Variants in COX7C observed in about 807,000 individuals in gnomAD.
COX7C encodes the protein cytochrome c oxidase subunit 7C.
Under a neutral mutation model 6.4 loss-of-function variants are expected in COX7C, and 1 was observed. The ratio of observed to expected loss-of-function variants is 0.16; its 90% CI spans 0.06 to 0.74. The LOEUF is 0.74. Ranked by LOEUF, COX7C falls within the 30% of genes least tolerant of loss-of-function variation. The pLI is 0.78. For missense variants in COX7C, 54 were observed against 73.7 expected, an observed-to-expected ratio of 0.73 and a Z score of 0.98; for synonymous variants, 24 against 28.9, an observed-to-expected ratio of 0.83 and a Z score of 0.54.
In COX7C at chr5:86,619,206, A is replaced by AATGTTTAAATCAAC. The variant is rs1750066747; in HGVS notation, c.76-138_76-137insTCAACATGTTTAAA. On this transcript the variant is annotated intron_variant, in intron 1 of 2. Transcript: ENST00000247655. ...TGAAGGTCATAGGATTTGAAAGATAAATGTTTAAAACGATGTTATGATTTA... is the reference window on the plus strand; with the variant it reads ...TGAAGGTCATAGGATTTGAAAGATAAATGTTTAAATCAACATGTTTAAAACGATGTTATGATTTA... 8.2e-6 allele frequency: 5 copies of AATGTTTAAATCAAC among 612,928 alleles called. No homozygotes were observed. In the South Asian group the frequency reaches 9.3e-5, roughly 11 times the overall value. 38.0% of individuals were successfully genotyped at this position (612,928 alleles called of 1,614,324 possible).
chr5:86,619,662 A>G (rs1750079139), intron 2 of COX7C, 166 bp downstream of exon 2: 2 of 518,806 alleles, frequency 3.9e-6, no homozygotes, highest in Admixed American at 6.5e-5. Context: ...ATATAAAAAT[A>G]TTTCAATAAT....
chr5:86,618,992 A>G (rs996672194), intron 1 of COX7C, among the ~76,000 whole-genome samples: 21 of 151,808 alleles, frequency 1.4e-4, no homozygotes, highest in African/African-American at 4.6e-4. Flanking sequence ...AAAAAAAAAA[A>G]AGAAAAAAAA....
intron 1 of COX7C, 63 bp downstream of exon 1, chr5:86,618,193 T>A: frequency 6.8e-7 from 1 of 1,476,934 alleles, no homozygotes; most frequent in Non-Finnish European, 9.4e-7. Flanking sequence ...CTCGCGCACC[T>A]GCAAGGCCGC....
At chr5:86,620,460 T>C (rs1246732558) in intron 2 of COX7C, 1 of 249,692 alleles carries the variant, frequency 4.0e-6, no homozygotes, top group African/African-American at 2.2e-5. Flanking sequence ...TGTCATAGTT[T>C]AGAGGGGGAA....
rs932437701 is a variant in COX7C, at chr5:86,617,999, G to A, written c.-57G>A. On this transcript the variant is annotated 5_prime_UTR_variant, in exon 1 of 3. Transcript: ENST00000247655. ...GTGAAAAAAAAGGTCTTGGTGAGGT[G>A]CCGCCATTTCATCTGTCCTCATTCT... 19 of 1,554,444 alleles carry A rather than the reference G, an allele frequency of 1.2e-5. No homozygotes were observed. In the Admixed American group the frequency reaches 1.5e-4, roughly 12 times the overall value.
intron 1 of COX7C, among the ~76,000 whole-genome samples, chr5:86,618,697 A>C (rs891972705): frequency 1.6e-4 from 24 of 152,146 alleles, no homozygotes; most frequent in Non-Finnish European, 3.4e-4. Flanking sequence ...AACAAACAAA[A>C]AAAACTGTGG....
At position 86,618,188 on chromosome 5, in the gene COX7C, G is replaced by T. The variant is rs551964903; in HGVS notation, c.75+58G>T. 204 of 1,525,162 alleles carry T rather than the reference G, an allele frequency of 1.3e-4. No homozygotes were observed. The East Asian group carries it at 4.2e-3, about 31-fold the overall frequency. The allele number at this position is 1,525,162 out of a possible 1,614,324, so 94.5% of individuals were successfully genotyped here. A position where few individuals can be genotyped will look rare whatever the true frequency, so the allele number is the denominator to read the frequency against. The stretch of plus-strand genomic sequence containing the variant: ...GAGGGGGCGCTTGGCTGTGACTCGC[G>T]CACCTGCAAGGCCGCCTCCGGGCTG... On this transcript the variant is annotated intron_variant, in intron 1 of 2. Transcript: ENST00000247655.
rs77975079 is a variant in COX7C at position 86,619,533 on chromosome 5, T to C, written c.*27+37T>C. On this transcript the variant is annotated intron_variant, in intron 2 of 2. Transcript: ENST00000247655. Reference sequence around the variant, plus strand: ...ATTTCTAATCATGTTAAAGCAGGCCTTTTTATTAAGTAGCCTCTTCCCCAT... The same window carrying C: ...ATTTCTAATCATGTTAAAGCAGGCCCTTTTATTAAGTAGCCTCTTCCCCAT... 2,951 of 1,069,202 alleles carry C rather than the reference T, an allele frequency of 2.8e-3. 52 individuals carry two copies. In the African/African-American group the frequency reaches 0.04, roughly 14 times the overall value. The allele number at this position is 1,069,202 out of a possible 1,614,324, so 66.2% of individuals were successfully genotyped here.
At chr5:86,618,834 T>G (rs1308437912) in intron 1 of COX7C, among the ~76,000 whole-genome samples, 1 of 151,840 alleles carries the variant, frequency 6.6e-6, no homozygotes, top group East Asian at 1.9e-4. Context: ...ACAAAAAAAT[T>G]AGCCGGACGT....
In COX7C at chr5:86,618,061, G is replaced by A. The variant is rs758285251; in HGVS notation, c.6G>A (p.Leu2=). ...GCAGAGCTTCCAGCAGCGGTATGTT[G>A]GGCCAGAGCATCCGGAGGTTCACAA... M[L]GQSIRRFTTS... is the part of the protein sequence containing the mutation. Residue 2 remains leucine, a synonymous_variant, in exon 1 of 3, where the codon TTG becomes TTA. Coordinates refer to ENST00000247655, the MANE Select transcript of COX7C (RefSeq NM_001867.3). 40 of 1,613,698 alleles carry A rather than the reference G, an allele frequency of 2.5e-5. 1 individual carries two copies. The highest frequency in any genetic ancestry group is 8.8e-5 in the South Asian group (8 of 91,054).
At chr5:86,620,635 A>T (rs947297977) in intron 2 of COX7C, 33 bp from the exon 3 acceptor site, 12 of 439,704 alleles carry the variant, frequency 2.7e-5, no homozygotes, top group Admixed American at 4.8e-5. Flanking sequence ...TGGGATTTTT[A>T]AAATGCCATT....
chr5:86,620,039 T>C (rs1366606792), intron 2 of COX7C: 1 of 152,670 alleles, frequency 6.6e-6, no homozygotes, highest in Non-Finnish European at 1.5e-5. Context: ...CTTGTTTAAG[T>C]TGTGAAAAAT....
At chr5:86,618,428 G>A (rs1750048090) in intron 1 of COX7C, 1 of 385,454 alleles carries the variant, frequency 2.6e-6, no homozygotes, top group Non-Finnish European at 4.8e-6. Flanking sequence ...GGCTGTAGGT[G>A]TGTTGGTTAA....
At position 86,617,988 on chromosome 5, in the gene COX7C, C is replaced by A; in HGVS notation, c.-68C>A. 2 of 1,489,216 alleles carry A rather than the reference C, an allele frequency of 1.3e-6. No homozygotes were observed. Among genetic ancestry groups the A allele is most frequent in the Non-Finnish European group, 1.9e-6 (2 of 1,070,150 alleles). 92.3% of individuals were successfully genotyped at this position (1,489,216 alleles called of 1,614,324 possible). On this transcript the variant is annotated 5_prime_UTR_variant, in exon 1 of 3. Transcript: ENST00000247655. Reference sequence around the variant, plus strand: ...GGAACAAGGTCGTGAAAAAAAAGGTCTTGGTGAGGTGCCGCCATTTCATCT... The same window carrying A: ...GGAACAAGGTCGTGAAAAAAAAGGTATTGGTGAGGTGCCGCCATTTCATCT...
At chr5:86,618,364 T>G in intron 1 of COX7C, 1 of 501,438 alleles carries the variant, frequency 2.0e-6, no homozygotes. Flanking sequence ...ATCAGCCACC[T>G]GACGCCCCCT....
chr5:86,620,007 G>A (rs187743879), intron 2 of COX7C: 130 of 152,804 alleles, frequency 8.5e-4, no homozygotes, highest in Middle Eastern at 3.4e-3. Flanking sequence ...TGTGCTCCTA[G>A]TTTTTAAATT....
At chr5:86,618,408 G>T (rs1750047633) in intron 1 of COX7C, 2 of 442,762 alleles carry the variant, frequency 4.5e-6, no homozygotes, top group Non-Finnish European at 8.3e-6. Flanking sequence ...AGATGGCTCC[G>T]GGAGGCCACG....
chr5:86,617,979 A>G lies in COX7C; in HGVS notation c.-77A>G. ...GCGCACCGGGGAACAAGGTCGTGAA[A>G]AAAAAGGTCTTGGTGAGGTGCCGCC... On this transcript the variant is annotated 5_prime_UTR_variant, in exon 1 of 3. Transcript: ENST00000247655. The G allele has an allele frequency of 1.4e-6, 2 of 1,420,796 alleles. No homozygotes were observed. The highest frequency in any genetic ancestry group is 1.7e-5 in the Admixed American group (1 of 57,502). 88.0% of individuals were successfully genotyped at this position (1,420,796 alleles called of 1,614,324 possible). A position where few individuals can be genotyped will look rare whatever the true frequency, so the allele number is the denominator to read the frequency against.
intron 1 of COX7C, 24 bp downstream of exon 1, chr5:86,618,154 T>G: frequency 6.2e-7 from 1 of 1,612,012 alleles, no homozygotes; most frequent in Non-Finnish European, 8.5e-7. Flanking sequence ...GGGCACGGCT[T>G]CGTTGGGGGA....
Sources: allele counts gnomAD v4.1 joint callset (sites outside exome capture counted in the v4.1 genomes callset), GRCh38; gene constraint gnomAD v4.1.1; transcripts MANE v1.5; gene names NCBI Gene and HGNC (gene_info 2026-07-23, HGNC 2026-07-21).